LGSN: variants seen among roughly 807,000 people sequenced by gnomAD.
LGSN encodes the protein lengsin, lens protein with glutamine synthetase domain.
A neutral mutation model predicts 19.5 loss-of-function variants in LGSN; 21 were observed. The ratio of observed to expected loss-of-function variants is 1.07; its 90% CI spans 0.76 to 1.55. The LOEUF (loss-of-function observed/expected upper bound fraction) is 1.55. Ranked by LOEUF, LGSN falls within the 40% of genes most tolerant of loss-of-function variation. The pLI is 0.00. For missense variants in LGSN, 673 were observed against 608.5 expected (o/e 1.11, Z -1.12); for synonymous variants, 257 against 215.6 (o/e 1.19, Z -1.68).
At chr6:63,372,454 A>T in the LGSN span, among the ~76,000 whole-genome samples, 1 of 152,116 alleles carries the variant, frequency 6.6e-6, no homozygotes, top group African/African-American at 2.4e-5. Context: ...TTTTTCTAAG[A>T]GCAGCTGTGT....
At chr6:63,522,766 C>T in the LGSN span, among the ~76,000 whole-genome samples, 1 of 151,968 alleles carries the variant, frequency 6.6e-6, no homozygotes, top group Non-Finnish European at 1.5e-5. Context: ...TGTTTTCTAC[C>T]ATGGAAGATT....
At chr6:63,354,124 C>G in the LGSN span, among the ~76,000 whole-genome samples, 1 of 151,860 alleles carries the variant, frequency 6.6e-6, no homozygotes, top group East Asian at 1.9e-4. Context: ...GTACAGGTAA[C>G]AAAAATAAAA....
the LGSN span, among the ~76,000 whole-genome samples, chr6:63,475,314 C>CAAAAAA: frequency 2.0e-5 from 2 of 99,304 alleles, no homozygotes; most frequent in African/African-American, 4.2e-5. Flanking sequence ...ATAGATCTGC[C>CAAAAAA]AAAAAAAAAA....
the LGSN span, among the ~76,000 whole-genome samples, chr6:63,429,717 C>T: frequency 1.5e-5 from 2 of 134,664 alleles, no homozygotes; most frequent in African/African-American, 2.9e-5. Context: ...ACTCCATGGA[C>T]AGAGCAAGAC....
the LGSN span, among the ~76,000 whole-genome samples, chr6:63,369,818 C>T: frequency 6.6e-6 from 1 of 152,132 alleles, no homozygotes; most frequent in African/African-American, 2.4e-5. Context: ...GCCTGGGCAA[C>T]TTGGTGAAAC....
chr6:63,331,221 TAAATTGCA>T, the LGSN span, among the ~76,000 whole-genome samples: 1 of 152,174 alleles, frequency 6.6e-6, no homozygotes, highest in Non-Finnish European at 1.5e-5. Flanking sequence ...CTCTGGGATG[TAAATTGCA>T]AGCTTTGCAT....
the LGSN span, among the ~76,000 whole-genome samples, chr6:63,427,438 G>A: frequency 6.6e-6 from 1 of 151,984 alleles, no homozygotes; most frequent in African/African-American, 2.4e-5. Flanking sequence ...CTCAGGTGCT[G>A]GAAAACTAAA....
chr6:63,529,863 A>G, the LGSN span, among the ~76,000 whole-genome samples: 4 of 152,186 alleles, frequency 2.6e-5, no homozygotes, highest in Non-Finnish European at 4.4e-5. Context: ...AAAAATTATC[A>G]ATTAGGTGTA....
chr6:63,383,130 G>GTTTT, the LGSN span, among the ~76,000 whole-genome samples: 1 of 151,976 alleles, frequency 6.6e-6, no homozygotes, highest in Non-Finnish European at 1.5e-5. Context: ...TTGTTTGTTT[G>GTTTT]TTTGTTTGTT....
At chr6:63,477,162 A>T in the LGSN span, among the ~76,000 whole-genome samples, 1 of 152,244 alleles carries the variant, frequency 6.6e-6, no homozygotes, top group Admixed American at 6.5e-5. Context: ...AATATACAGA[A>T]TTTCAGTTAA....
chr6:63,572,762 C>G, the LGSN span: 9 of 398,192 alleles, frequency 2.3e-5, no homozygotes, highest in African/African-American at 2.1e-5. Flanking sequence ...TGGGAATCCA[C>G]GACCGGCCCC....
In LGSN at chr6:63,280,490, G is replaced by A. The variant is rs149261817; in HGVS notation, c.1061C>T (p.Ala354Val). 23 of 1,613,998 alleles carry A rather than the reference G, an allele frequency of 1.4e-5. No homozygotes were observed. Among genetic ancestry groups the A allele is most frequent in the Admixed American group, 1.3e-4 (8 of 60,008 alleles). Residue 354 changes from alanine (A) to valine (V), a missense_variant, in exon 4 of 4, where the codon GCG (alanine) becomes GTG (valine). Transcript: ENST00000370657. ...AGAAGGCGCCATCAGGCAGCTGAGC[G>A]CAGCAGAGTGCTTCAAGAGTCCTGC... ...WLAGLLKHSAALSCLMAPSVS... is the reference protein window; with the variant it reads ...WLAGLLKHSAVLSCLMAPSVS...
chr6:63,504,416 T>C, the LGSN span, among the ~76,000 whole-genome samples: 1 of 152,090 alleles, frequency 6.6e-6, no homozygotes, highest in Non-Finnish European at 1.5e-5. Context: ...TAATTTTTTG[T>C]ATTTTAGTAG....
the LGSN span, among the ~76,000 whole-genome samples, chr6:63,503,686 TGGTGGATTGC>T: frequency 1.3e-5 from 2 of 152,142 alleles, no homozygotes; most frequent in Admixed American, 1.3e-4. Context: ...AGGGCGAGGC[TGGTGGATTGC>T]TTGAGCCCAG....
chr6:63,521,504 G>A, the LGSN span, among the ~76,000 whole-genome samples: 1 of 152,130 alleles, frequency 6.6e-6, no homozygotes, highest in Admixed American at 6.5e-5. Context: ...AACAACACAT[G>A]TAAAGAGGGT....
upstream of LGSN, among the ~76,000 whole-genome samples, chr6:63,322,733 T>A (rs1582058998): frequency 6.6e-6 from 1 of 152,200 alleles, no homozygotes. Flanking sequence ...CAGAAATACC[T>A]CATTTTCTAA....
At chr6:63,325,301 C>G in the LGSN span, among the ~76,000 whole-genome samples, 2 of 151,960 alleles carry the variant, frequency 1.3e-5, no homozygotes, top group African/African-American at 4.8e-5. Context: ...AAAGGTTCAA[C>G]CAAACACATT....
At chr6:63,424,508 GACACAC>G in the LGSN span, among the ~76,000 whole-genome samples, 130 of 146,658 alleles carry the variant, frequency 8.9e-4, no homozygotes, top group African/African-American at 3.1e-3. Flanking sequence ...ACCAAAACCA[GACACAC>G]ACACACACAC....
chr6:63,479,362 C>A, the LGSN span, among the ~76,000 whole-genome samples: 1 of 150,776 alleles, frequency 6.6e-6, no homozygotes, highest in Non-Finnish European at 1.5e-5. Context: ...GTAAAGTAGA[C>A]AAAGTGAAGT....
Sources: gnomAD v4.1 joint callset for allele counts (sites outside exome capture counted in the v4.1 genomes callset) on GRCh38, gnomAD v4.1.1 for gene constraint, MANE v1.5 for transcripts, NCBI Gene and HGNC (gene_info 2026-07-23, HGNC 2026-07-21) for gene names.